C12orf76: variants seen among roughly 807,000 people sequenced by gnomAD.
The protein encoded by C12orf76 is uncharacterized protein C12orf76.
C12orf76 carries 6 observed loss-of-function variants against 6.8 expected under a neutral mutation model. The observed-to-expected ratio is 0.88, with a 90% CI of 0.48 to 1.73. C12orf76 has a LOEUF of 1.73. Among genes scored for constraint, C12orf76 ranks in the 40% most tolerant of loss-of-function variants. The probability of loss-of-function intolerance (pLI) is 0.01; values close to 1 mark genes in which losing one functional copy is unlikely to be tolerated. For synonymous variants in C12orf76, 56 were observed against 43.7 expected, an observed-to-expected ratio of 1.28 and a Z score of -1.11; for missense variants, 99 against 98.2, an observed-to-expected ratio of 1.01 and a Z score of -0.03.
chr12:110,068,286 GA>G, upstream of C12orf76, among the ~76,000 whole-genome samples: 1 of 143,390 alleles, frequency 7.0e-6, no homozygotes, highest in Non-Finnish European at 1.6e-5. Context: ...AGAAGAAGAA[GA>G]AGAAGAAGAA....
At chr12:110,066,194 A>C (rs1291575732) in intron 1 of C12orf76, among the ~76,000 whole-genome samples, 1 of 151,868 alleles carries the variant, frequency 6.6e-6, no homozygotes, top group Non-Finnish European at 1.5e-5. Context: ...CAACATGGCG[A>C]AGCCCTATCT....
upstream of C12orf76, chr12:110,048,689 C>T (rs1029979824): frequency 4.0e-6 from 5 of 1,244,622 alleles, no homozygotes; most frequent in Admixed American, 2.1e-4. Context: ...ACTAATGTTT[C>T]CCCCGGACCA....
At chr12:110,063,105 A>G (rs1946915959) in intron 2 of C12orf76, among the ~76,000 whole-genome samples, 1 of 149,414 alleles carries the variant, frequency 6.7e-6, no homozygotes, top group Non-Finnish European at 1.5e-5. Flanking sequence ...ACGCCCAGCT[A>G]ATTTTTGTAT....
intron 2 of C12orf76, among the ~76,000 whole-genome samples, chr12:110,064,193 C>G (rs906242787): frequency 6.6e-6 from 1 of 152,190 alleles, no homozygotes; most frequent in Non-Finnish European, 1.5e-5. Flanking sequence ...CAATACTTCC[C>G]TCTATTCCTG....
chr12:110,070,889 C>T (rs1041671722), upstream of C12orf76, among the ~76,000 whole-genome samples: 2 of 152,156 alleles, frequency 1.3e-5, no homozygotes, highest in African/African-American at 4.8e-5. Flanking sequence ...ATTCTTGTGC[C>T]TCAGCTTACC....
At chr12:110,072,148 C>T (rs1005047510), upstream of C12orf76, among the ~76,000 whole-genome samples, 1 of 152,052 alleles carries the variant, frequency 6.6e-6, no homozygotes, top group African/African-American at 2.4e-5. Context: ...AAGTGTCAGC[C>T]AGGTATGGTG....
chr12:110,066,778 C>CTGGG (rs1892874333), intron 1 of C12orf76, among the ~76,000 whole-genome samples: 1 of 152,200 alleles, frequency 6.6e-6, no homozygotes, highest in Admixed American at 6.5e-5. Flanking sequence ...GACCTCCGTG[C>CTGGG]TGGGCTCACT....
chr12:110,051,090 C>A, upstream of C12orf76: 3 of 780,718 alleles, frequency 3.8e-6, no homozygotes, highest in South Asian at 1.3e-5. Context: ...CTTCTGCTGT[C>A]CTTTTCACCT....
exon 4 of C12orf76, chr12:110,057,234 T>G: frequency 6.2e-7 from 1 of 1,614,166 alleles, no homozygotes; most frequent in South Asian, 1.1e-5. Context: ...ATGGTTAGAT[T>G]GTTCTTCAAG....
chr12:110,057,200 A>C, exon 4 of C12orf76: 1 of 1,611,954 alleles, frequency 6.2e-7, no homozygotes, highest in Non-Finnish European at 8.5e-7. Flanking sequence ...TTGGCATTGC[A>C]GGTAGGATGG....
upstream of C12orf76, among the ~76,000 whole-genome samples, chr12:110,052,928 C>T (rs113105467): frequency 0.012 from 1,903 of 152,300 alleles, 44 homozygotes; most frequent in African/African-American, 0.043. Context: ...CATGGCTGGG[C>T]GCAGTGGCTC....
upstream of C12orf76, chr12:110,048,789 C>T: frequency 1.8e-6 from 1 of 550,638 alleles, no homozygotes; most frequent in Non-Finnish European, 2.5e-6. Flanking sequence ...CCATTGGGGT[C>T]GAGGTCTTGT....
chr12:110,043,268 G>C (rs1892362992), intron 1 of C12orf76, among the ~76,000 whole-genome samples: 1 of 151,982 alleles, frequency 6.6e-6, no homozygotes, highest in African/African-American at 2.4e-5. Flanking sequence ...GCTGGGGCTG[G>C]TCTGTGCAAG....
chr12:110,051,072 C>T (rs1184404544), upstream of C12orf76: 2 of 780,364 alleles, frequency 2.6e-6, no homozygotes, highest in African/African-American at 1.7e-5. Flanking sequence ...CCACGATCTC[C>T]TCTTTCACTT....
upstream of C12orf76, chr12:110,048,586 C>G: frequency 1.5e-6 from 2 of 1,326,706 alleles, no homozygotes; most frequent in Non-Finnish European, 1.9e-6. Context: ...CTGCCACCGC[C>G]CTTAGGGCGC....
intron 1 of C12orf76, among the ~76,000 whole-genome samples, chr12:110,073,183 G>A (rs927054315): frequency 5.9e-5 from 9 of 152,020 alleles, no homozygotes; most frequent in Admixed American, 2.0e-4. Context: ...TCTCCCTGGC[G>A]GGCCTGGAGT....
chr12:110,058,400 A>G (rs962046917), intron 3 of C12orf76, among the ~76,000 whole-genome samples: 3 of 152,180 alleles, frequency 2.0e-5, no homozygotes, highest in African/African-American at 7.2e-5. Flanking sequence ...ATGGTGCCTC[A>G]CGCCTGTAAT....
At chr12:110,061,701 T>C (rs1892775419) in intron 2 of C12orf76, among the ~76,000 whole-genome samples, 2 of 152,016 alleles carry the variant, frequency 1.3e-5, no homozygotes, top group African/African-American at 4.8e-5. Context: ...CACGCTCAGC[T>C]AATTTTTGTA....
At chr12:110,060,261 C>G (rs1425524211) in intron 2 of C12orf76, among the ~76,000 whole-genome samples, 2 of 152,074 alleles carry the variant, frequency 1.3e-5, no homozygotes, top group Non-Finnish European at 2.9e-5. Context: ...CATTCTCTTA[C>G]CACCACTCCA....
Sources: allele counts gnomAD v4.1 joint callset (sites outside exome capture counted in the v4.1 genomes callset), GRCh38; gene constraint gnomAD v4.1.1; transcripts MANE v1.5; gene names NCBI Gene and HGNC (gene_info 2026-07-23, HGNC 2026-07-21).